GABRG3: variants seen among roughly 807,000 people sequenced by gnomAD.
GABRG3 encodes gamma-aminobutyric acid type A receptor subunit gamma3, also known as gamma-aminobutyric acid receptor subunit gamma-3.
GABRG3 carries 25 observed loss-of-function variants against 48.8 expected under a neutral mutation model. The observed-to-expected ratio is 0.51, with a 90% CI of 0.37 to 0.72. The LOEUF is 0.72. Among genes scored for constraint, GABRG3 ranks in the 30% least tolerant of loss-of-function variants. The pLI is 0.00. For missense variants in GABRG3, 394 were observed against 577.9 expected (o/e 0.68, Z 3.26); for synonymous variants, 227 against 217.6 (o/e 1.04, Z -0.38).
At chr15:27,351,060 G>A (rs947933780) in intron 5 of GABRG3, among the ~76,000 whole-genome samples, 5 of 150,982 alleles carry the variant, frequency 3.3e-5, no homozygotes. Context: ...TATGGTGTGT[G>A]TGTGTGTATG....
At chr15:27,486,819 TGAG>T (rs939129366) in intron 6 of GABRG3, among the ~76,000 whole-genome samples, 3 of 152,184 alleles carry the variant, frequency 2.0e-5, no homozygotes, top group Non-Finnish European at 4.4e-5. Context: ...GTAGTTCCCG[TGAG>T]GAGAATTGAG....
At position 27,434,552 on chromosome 15, in the gene GABRG3, T is replaced by G. The variant is rs191372974; in HGVS notation, c.575-46098T>G. ...ATATATATAATTATCAAATCCAGAA[T>G]GCAGAAATAATCTAATTCATGTTGA... On this transcript the variant is annotated intron_variant, in intron 5 of 9. Transcript: ENST00000615808. Among the ~76,000 whole-genome samples the G allele has an allele frequency of 3.1e-3, 473 of 152,276 alleles. 1 individual carries two copies. The highest frequency in any genetic ancestry group is 4.9e-3 in the Admixed American group (75 of 15,296).
At chr15:27,074,826 G>A (rs564229545) in intron 3 of GABRG3, among the ~76,000 whole-genome samples, 6 of 152,088 alleles carry the variant, frequency 3.9e-5, no homozygotes, top group Non-Finnish European at 5.9e-5. Flanking sequence ...GGTGGAAAGC[G>A]AATCGAAGGA....
rs112136154 is a variant in GABRG3, at chr15:27,030,431, G to T, written c.270+3610G>T. Among the ~76,000 whole-genome samples the T allele has an allele frequency of 8.0e-3, 1,215 of 152,232 alleles. 18 individuals carry two copies. The highest frequency in any genetic ancestry group is 0.028 in the African/African-American group (1,160 of 41,548). ...TTGTTTAATAGATTATCTTTGTCTT[G>T]TTTATCCTGGAGCTGTTTATGCTTT... On this transcript the variant is annotated intron_variant, in intron 3 of 9. Coordinates refer to ENST00000615808, the MANE Select transcript of GABRG3 (RefSeq NM_033223.5).
intron 3 of GABRG3, among the ~76,000 whole-genome samples, chr15:27,141,516 A>G (rs569880110): frequency 6.6e-6 from 1 of 152,322 alleles, no homozygotes; most frequent in East Asian, 1.9e-4. Context: ...GATGCAAAGG[A>G]AAGCTGCCCT....
At chr15:27,517,659 A>G (rs1486538697) in intron 6 of GABRG3, among the ~76,000 whole-genome samples, 1 of 152,084 alleles carries the variant, frequency 6.6e-6, no homozygotes, top group Non-Finnish European at 1.5e-5. Flanking sequence ...AGGGTGATTT[A>G]TTGTCCTTTG....
chr15:27,483,413 C>T (rs1362668302), intron 6 of GABRG3: 1 of 152,228 alleles, frequency 6.6e-6, no homozygotes, highest in African/African-American at 2.4e-5. Flanking sequence ...ATTAGCCTGC[C>T]TTCATGACCT....
chr15:26,977,954 A>G (rs1894983525), intron 2 of GABRG3, among the ~76,000 whole-genome samples: 2 of 152,200 alleles, frequency 1.3e-5, no homozygotes, highest in East Asian at 3.8e-4. Flanking sequence ...TATCTGAGAG[A>G]TCCAGTTTCT....
intron 3 of GABRG3, among the ~76,000 whole-genome samples, chr15:27,169,425 G>A (rs1331835332): frequency 6.6e-6 from 1 of 152,152 alleles, no homozygotes; most frequent in Non-Finnish European, 1.5e-5. Context: ...AGTGAAAGGA[G>A]GGGAGGGACG....
intron 3 of GABRG3, among the ~76,000 whole-genome samples, chr15:27,231,875 G>T (rs1196638992): frequency 6.6e-6 from 1 of 152,086 alleles, no homozygotes; most frequent in Non-Finnish European, 1.5e-5. Context: ...TTAACTTAAA[G>T]ATTTTTTCTA....
At chr15:27,271,593 GAGTC>G (rs61549890) in intron 3 of GABRG3, 275,170 of 454,336 alleles carry the variant, frequency 0.61, 86,692 homozygotes, top group African/African-American at 0.78. Context: ...ATGCAACCTA[GAGTC>G]AGTCAGTCAG....
At chr15:27,064,013 A>G (rs1009885278) in intron 3 of GABRG3, among the ~76,000 whole-genome samples, 4 of 152,202 alleles carry the variant, frequency 2.6e-5, no homozygotes, top group Non-Finnish European at 5.9e-5. Context: ...AGAAATGATC[A>G]ACCAAGCAAC....
intron 5 of GABRG3, among the ~76,000 whole-genome samples, chr15:27,458,401 C>T (rs191762070): frequency 6.6e-6 from 1 of 152,332 alleles, no homozygotes; most frequent in African/African-American, 2.4e-5. Flanking sequence ...AGCCAATTCT[C>T]ACCCTGATTG....
rs1891467071 is a variant in GABRG3 at position 27,533,043 on chromosome 15, T to G, written c.*162T>G. The G allele has an allele frequency of 1.6e-6, 1 of 634,130 alleles. No individual in the cohort carries two copies. The highest frequency in any genetic ancestry group is 2.0e-5 in the South Asian group (1 of 50,352). 39.3% of individuals were successfully genotyped at this position (634,130 alleles called of 1,614,324 possible). A position where few individuals can be genotyped will look rare whatever the true frequency, so the allele number is the denominator to read the frequency against. On this transcript the variant is annotated 3_prime_UTR_variant, in exon 10 of 10. Coordinates refer to ENST00000615808, the MANE Select transcript of GABRG3 (RefSeq NM_033223.5). ...ACACAGGAAGTACCCAGCAAAGGTT[T>G]CTATTATGTATTTTACACACACACA... is the stretch of plus-strand genomic sequence containing the variant.
intron 9 of GABRG3, among the ~76,000 whole-genome samples, chr15:27,528,737 A>G (rs1595813716): frequency 1.3e-5 from 2 of 152,090 alleles, no homozygotes; most frequent in Non-Finnish European, 2.9e-5. Context: ...TTTGATTTGC[A>G]TTTCCATTTT....
At chr15:27,525,073 A>T (rs899317481) in intron 7 of GABRG3, among the ~76,000 whole-genome samples, 5 of 152,196 alleles carry the variant, frequency 3.3e-5, no homozygotes, top group Non-Finnish European at 5.9e-5. Context: ...GTGAAAGGCT[A>T]ACGAAACTAT....
chr15:27,420,129 C>G (rs1888067650), intron 5 of GABRG3, among the ~76,000 whole-genome samples: 1 of 152,158 alleles, frequency 6.6e-6, no homozygotes, highest in African/African-American at 2.4e-5. Context: ...GTAGACCCTG[C>G]CGTGCAAATC....
intron 5 of GABRG3, among the ~76,000 whole-genome samples, chr15:27,358,561 C>T (rs1288014591): frequency 2.0e-5 from 3 of 151,806 alleles, no homozygotes; most frequent in Admixed American, 2.0e-4. Context: ...AAGGCTCTGC[C>T]CTCACCTAGC....
At chr15:27,268,423 C>T (rs1890986196) in intron 3 of GABRG3, among the ~76,000 whole-genome samples, 1 of 152,088 alleles carries the variant, frequency 6.6e-6, no homozygotes, top group African/African-American at 2.4e-5. Flanking sequence ...TTCTCTTTTT[C>T]CTGCTCAGTC....
Sources: allele counts gnomAD v4.1 joint callset (sites outside exome capture counted in the v4.1 genomes callset), GRCh38; gene constraint gnomAD v4.1.1; transcripts MANE v1.5; gene names NCBI Gene and HGNC (gene_info 2026-07-23, HGNC 2026-07-21).